Variants in DDHD1 observed in about 807,000 individuals in gnomAD.
DDHD1 encodes phospholipase DDHD1.
Under a neutral mutation model 96.4 loss-of-function variants are expected in DDHD1, and 49 were observed. The observed-to-expected ratio is 0.51, with a 90% CI of 0.40 to 0.64. DDHD1 has a LOEUF of 0.64. Ranked by LOEUF, DDHD1 falls within the 30% of genes least tolerant of loss-of-function variation. The probability of loss-of-function intolerance (pLI) is 0.00; values close to 1 mark genes in which losing one functional copy is unlikely to be tolerated. For missense variants in DDHD1, 1,106 were observed against 1,161.2 expected, an observed-to-expected ratio of 0.95 and a Z score of 0.69; for synonymous variants, 442 against 446.5, an observed-to-expected ratio of 0.99 and a Z score of 0.13.
chr14:53,098,077 AAG>A (rs1232208623), intron 2 of DDHD1, among the ~76,000 whole-genome samples: 5 of 152,144 alleles, frequency 3.3e-5, no homozygotes, highest in Admixed American at 2.6e-4. Context: ...AGAGGAAAAA[AAG>A]AGTTTACTAT....
Position 53,130,406 on chromosome 14 carries a change from T to C in DDHD1, c.838+21855A>G, listed in dbSNP as rs549395952. Among the ~76,000 whole-genome samples the C allele has an allele frequency of 2.0e-5, 3 of 152,318 alleles. No individual in the cohort carries two copies. The East Asian group carries it at 5.8e-4, about 29-fold the overall frequency. On this transcript the variant is annotated intron_variant, in intron 1 of 12. Transcript: ENST00000673822. ...TCATGGCCCATTTGTTAACAACCCT[T>C]AGACGTTTTACCACCCTAGACCCAG...
chr14:53,044,400 T>C lies in DDHD1; in HGVS notation c.*2368A>G, dbSNP rs938979837. The C allele has an allele frequency of 6.6e-6, 1 of 152,184 alleles. No individual in the cohort carries two copies. Among genetic ancestry groups the C allele is most frequent in the East Asian group, 1.9e-4 (1 of 5,200 alleles). 9.4% of individuals were successfully genotyped at this position (152,184 alleles called of 1,614,324 possible). A position where few individuals can be genotyped will look rare whatever the true frequency, so the allele number is the denominator to read the frequency against. The stretch of plus-strand genomic sequence containing the variant: ...TACTCAGTGATATCAAATTAAAAGG[T>C]CTGACATAATTTCACTCTTCTCAGG... On this transcript the variant is annotated 3_prime_UTR_variant, in exon 13 of 13. Coordinates refer to ENST00000673822, the MANE Select transcript of DDHD1 (RefSeq NM_001160148.2).
intron 4 of DDHD1, among the ~76,000 whole-genome samples, chr14:53,087,322 C>A (rs953392157): frequency 6.6e-6 from 1 of 152,138 alleles, no homozygotes; most frequent in Admixed American, 6.6e-5. Flanking sequence ...TAATAGACAT[C>A]TGCAGACCTC....
chr14:53,138,529 G>C (rs538715136), intron 1 of DDHD1, among the ~76,000 whole-genome samples: 1 of 152,162 alleles, frequency 6.6e-6, no homozygotes, highest in Non-Finnish European at 1.5e-5. Context: ...ATGGCAAAAC[G>C]GCTATGAGGA....
chr14:53,095,171 GA>G (rs533565876), intron 2 of DDHD1, among the ~76,000 whole-genome samples: 51 of 152,234 alleles, frequency 3.4e-4, no homozygotes, highest in African/African-American at 1.2e-3. Flanking sequence ...ATATAGGTAG[GA>G]AAAATTAACA....
intron 6 of DDHD1, among the ~76,000 whole-genome samples, chr14:53,065,179 T>G (rs1883916833): frequency 6.6e-6 from 1 of 152,134 alleles, no homozygotes; most frequent in Admixed American, 6.5e-5. Context: ...GAGTTAAAAT[T>G]TACGAAGGAA....
At chr14:53,145,489 C>A (rs545793703) in intron 1 of DDHD1, among the ~76,000 whole-genome samples, 229 of 48,198 alleles carry the variant, frequency 4.8e-3, no homozygotes, top group Middle Eastern at 0.019. Context: ...AGCGACAGAA[C>A]AAAACCTTGT....
chr14:53,116,402 C>T (rs1321573274), intron 1 of DDHD1, among the ~76,000 whole-genome samples: 1 of 152,168 alleles, frequency 6.6e-6, no homozygotes, highest in Non-Finnish European at 1.5e-5. Flanking sequence ...AACTCTCCAC[C>T]CCAATCAACA....
At chr14:53,086,447 G>A (rs377363120) in intron 4 of DDHD1, among the ~76,000 whole-genome samples, 63 of 152,230 alleles carry the variant, frequency 4.1e-4, no homozygotes, top group African/African-American at 1.5e-3. Context: ...GACTAATGGC[G>A]GATCTCTCGG....
At position 53,062,992 on chromosome 14, in the gene DDHD1, T is replaced by A; in HGVS notation, c.1717A>T (p.Ser573Cys). 1 of 1,614,086 alleles carries A rather than the reference T, an allele frequency of 6.2e-7. No homozygotes were observed. The highest frequency in any genetic ancestry group is 8.5e-7 in the Non-Finnish European group (1 of 1,179,980). ...TCAAGAAGATGTCGTTCTTCATAGC[T>A]CATCCATCGTTCATCAGGCAACTCT... ...EEELPDERWM[S>C]YEERHLLDEL... The change falls in exon 7 of 13, where the codon AGC becomes TGC. Residue 573 changes from serine to cysteine, a missense_variant. Around this residue, in one of 2 missense-constraint regions of DDHD1, gnomAD observed 650 missense variants for 758.8 expected, o/e 0.86. Transcript: ENST00000673822.
intron 1 of DDHD1, among the ~76,000 whole-genome samples, chr14:53,108,222 C>T (rs774340686): frequency 2.0e-5 from 3 of 152,204 alleles, no homozygotes; most frequent in Non-Finnish European, 4.4e-5. Flanking sequence ...TCCAGCGAGG[C>T]GCCCACTGCT....
At chr14:53,048,166 C>T (rs1882194698) in intron 12 of DDHD1, among the ~76,000 whole-genome samples, 1 of 151,988 alleles carries the variant, frequency 6.6e-6, no homozygotes, top group Non-Finnish European at 1.5e-5. Flanking sequence ...TTTAACAATG[C>T]TTATACAGTT....
At chr14:53,055,596 C>A in intron 10 of DDHD1, 64 bp downstream of exon 10, 1 of 1,369,336 alleles carries the variant, frequency 7.3e-7, no homozygotes, top group African/African-American at 2.5e-5. Context: ...TACTTCTAGT[C>A]CCCCAAACTT....
chr14:53,131,826 C>G (rs2139841696), intron 1 of DDHD1, among the ~76,000 whole-genome samples: 1 of 152,260 alleles, frequency 6.6e-6, no homozygotes, highest in African/African-American at 2.4e-5. Flanking sequence ...CATCTATTCT[C>G]AAAAGGACAT....
chr14:53,104,549 G>A (rs1418376034), intron 1 of DDHD1, among the ~76,000 whole-genome samples: 2 of 152,076 alleles, frequency 1.3e-5, no homozygotes, highest in African/African-American at 4.8e-5. Context: ...AGCTGCCTTG[G>A]AGACTAGAGG....
chr14:53,093,138 TTGA>T (rs1227649627), intron 3 of DDHD1, 175 bp downstream of exon 3: 10 of 452,198 alleles, frequency 2.2e-5, no homozygotes, highest in East Asian at 1.3e-4. Flanking sequence ...TAATTATTCC[TTGA>T]TGAACACATG....
At chr14:53,055,094 C>CTTG (rs1005207973) in intron 10 of DDHD1, among the ~76,000 whole-genome samples, 2 of 152,176 alleles carry the variant, frequency 1.3e-5, no homozygotes, top group African/African-American at 4.8e-5. Flanking sequence ...ATAGTGCCAC[C>CTTG]TTGTGGTATT....
chr14:53,124,861 C>T (rs570178647), intron 1 of DDHD1, among the ~76,000 whole-genome samples: 12 of 152,266 alleles, frequency 7.9e-5, no homozygotes, highest in East Asian at 5.8e-4. Context: ...GTTCTAGATG[C>T]TATAAGTCCA....
chr14:53,096,730 G>C (rs1457616495), intron 2 of DDHD1, among the ~76,000 whole-genome samples: 1 of 150,030 alleles, frequency 6.7e-6, no homozygotes, highest in African/African-American at 2.4e-5. Context: ...CTTCCCTTAG[G>C]GAAAAAAAAA....
Sources: allele counts gnomAD v4.1 joint callset (sites outside exome capture counted in the v4.1 genomes callset), GRCh38; gene constraint gnomAD v4.1.1; regional missense constraint gnomAD v4.1.1; transcripts MANE v1.5; gene names NCBI Gene and HGNC (gene_info 2026-07-23, HGNC 2026-07-21).